The following ZNF92 variants were observed in gnomAD, a reference collection of about 807,000 sequenced individuals.
The protein encoded by ZNF92 is zinc finger protein 92, also known as epididymis luminal protein 203.
Under a neutral mutation model 12.4 loss-of-function variants are expected in ZNF92, and 11 were observed. That is an observed-to-expected ratio of 0.89 (90% CI 0.56 to 1.47). The LOEUF (loss-of-function observed/expected upper bound fraction) is 1.47, where lower values mean the gene tolerates loss of function less well. Among genes scored for constraint, ZNF92 ranks in the 40% most tolerant of loss-of-function variants. The pLI, the probability that ZNF92 is intolerant of heterozygous loss-of-function variation, is 0.00. For synonymous variants in ZNF92, 206 were observed against 228.6 expected, an observed-to-expected ratio of 0.90 and a Z score of 0.89; for missense variants, 622 against 681.0, an observed-to-expected ratio of 0.91 and a Z score of 0.96.
At chr7:65,392,284 T>C (rs1793736928) in intron 3 of ZNF92, among the ~76,000 whole-genome samples, 1 of 152,042 alleles carries the variant, frequency 6.6e-6, no homozygotes, top group Admixed American at 6.6e-5. Flanking sequence ...TGTTTAATGA[T>C]AAATATTGTA....
Position 65,398,770 on chromosome 7 carries a change from A to G in ZNF92, c.656A>G (p.His219Arg), listed in dbSNP as rs866405251. 8.7e-6 allele frequency: 14 copies of G among 1,613,256 alleles called. No individual in the cohort carries two copies. In the Middle Eastern group the frequency reaches 9.9e-4, roughly 114 times the overall value. ...AACTGGTCCTCAACCCTTACTAAAC[A>G]TAAGATAATTCATACTGGAGAAAAA... ...AFNWSSTLTKHKIIHTGEKPY... is the reference protein window; with the variant it reads ...AFNWSSTLTKRKIIHTGEKPY... The change falls in exon 4 of 4, where the codon CAT becomes CGT. Residue 219 changes from histidine (H) to arginine (R), a missense_variant. Coordinates refer to ENST00000328747, the MANE Select transcript of ZNF92 (RefSeq NM_152626.4).
intron 3 of ZNF92, among the ~76,000 whole-genome samples, chr7:65,393,849 TACTTTATATGATAA>T (rs1429723609): frequency 6.6e-5 from 10 of 151,950 alleles, no homozygotes; most frequent in Admixed American, 6.6e-5. Context: ...CTTTATATGA[TACTTTATATGATAA>T]ACTTTATATG....
rs1419494822 is a variant in ZNF92 at position 65,373,896 on chromosome 7, C to T, written c.-102C>T. On this transcript the variant is annotated 5_prime_UTR_variant, in exon 1 of 4. Transcript: ENST00000328747. ...GGCGCTCCACGTCTAGTCTTCACTG[C>T]TCTGCGTCCTGTGCTGATAAAGGCT... 2 of 1,531,038 alleles carry T rather than the reference C, an allele frequency of 1.3e-6. No homozygotes were observed. The highest frequency in any genetic ancestry group is 1.8e-6 in the Non-Finnish European group (2 of 1,104,902). The allele number at this position is 1,531,038 out of a possible 1,614,324, so 94.8% of individuals were successfully genotyped here.
At chr7:65,375,803 A>G (rs1409254456) in intron 1 of ZNF92, among the ~76,000 whole-genome samples, 1 of 151,784 alleles carries the variant, frequency 6.6e-6, no homozygotes, top group African/African-American at 2.4e-5. Flanking sequence ...AGCCAAGATC[A>G]TGCCACTGCA....
Position 65,399,411 on chromosome 7 carries a change from G to C in ZNF92, c.1297G>C (p.Ala433Pro), listed in dbSNP as rs754913847. 1.2e-6 allele frequency: 2 copies of C among 1,613,324 alleles called. No individual in the cohort carries two copies. Among genetic ancestry groups the C allele is most frequent in the Non-Finnish European group, 1.7e-6 (2 of 1,179,700 alleles). ...CTACAAATGTGAAAAATGTGGCAAG[G>C]CCTTTAGCTGGTCCTCAGCTTTTAC... Reference protein sequence around the residue: ...KPYKCEKCGKAFSWSSAFTKH... With the variant: ...KPYKCEKCGKPFSWSSAFTKH... Residue 433 changes from alanine to proline, a missense_variant, in exon 4 of 4, where the codon GCC becomes CCC. Physicochemically the swap from Ala to Pro is conservative, Grantham distance 27. Coordinates refer to ENST00000328747, the MANE Select transcript of ZNF92 (RefSeq NM_152626.4).
intron 3 of ZNF92, among the ~76,000 whole-genome samples, chr7:65,393,227 T>A (rs752047560): frequency 2.6e-5 from 4 of 152,304 alleles, no homozygotes; most frequent in Non-Finnish European, 5.9e-5. Flanking sequence ...TTTATGAGTG[T>A]GACTGTTTAA....
chr7:65,399,613 A>C lies in ZNF92; in HGVS notation c.1499A>C (p.Lys500Thr), dbSNP rs150528406. Residue 500 changes from lysine (K) to threonine (T), a missense_variant, in exon 4 of 4, where the codon AAG (lysine) becomes ACG (threonine). Lys to Thr is a moderately conservative substitution (Grantham distance 78). Coordinates refer to ENST00000328747, the MANE Select transcript of ZNF92 (RefSeq NM_152626.4). ...CAGTCCTCAATTTTTACTAAACATA[A>C]GATAATTCACACTGAAGGGAAATCC... ...FNQSSIFTKH[K>T]IIHTEGKSYK... 9.4e-5 allele frequency: 152 copies of C among 1,613,694 alleles called. 1 individual carries two copies. In the African/African-American group the frequency reaches 1.9e-3, roughly 21 times the overall value.
intron 1 of ZNF92, among the ~76,000 whole-genome samples, chr7:65,375,431 G>A (rs1793212610): frequency 6.6e-6 from 1 of 151,930 alleles, no homozygotes; most frequent in African/African-American, 2.4e-5. Context: ...GCATCTCCTG[G>A]GCTACTCTTC....
At chr7:65,387,108 T>G (rs965408883) in intron 1 of ZNF92, among the ~76,000 whole-genome samples, 3 of 151,210 alleles carry the variant, frequency 2.0e-5, no homozygotes, top group Non-Finnish European at 4.4e-5. Context: ...CCCGGCTAAT[T>G]TTTTGTATTT....
Position 65,390,267 on chromosome 7 carries a change from A to G in ZNF92, c.226+1366A>G, listed in dbSNP as rs888453276. 4.0e-4 allele frequency among the ~76,000 whole-genome samples: 61 copies of G among 152,096 alleles called. 1 individual carries two copies. Among genetic ancestry groups the G allele is most frequent in the African/African-American group, 1.4e-3 (60 of 41,422 alleles). Reference sequence around the variant, plus strand: ...TTTTTACCTATCTGTCTTCAATGTCAATGGCTTTTTAAATTTTTTAAATTC... The same window carrying G: ...TTTTTACCTATCTGTCTTCAATGTCGATGGCTTTTTAAATTTTTTAAATTC... On this transcript the variant is annotated intron_variant, in intron 3 of 3. Coordinates refer to ENST00000328747, the MANE Select transcript of ZNF92 (RefSeq NM_152626.4).
At chr7:65,391,157 C>A (rs1793699151) in intron 3 of ZNF92, among the ~76,000 whole-genome samples, 1 of 151,994 alleles carries the variant, frequency 6.6e-6, no homozygotes, top group Non-Finnish European at 1.5e-5. Context: ...GCTTCATAAC[C>A]CATTCTGGTC....
In ZNF92 at chr7:65,398,383, G is replaced by A. The variant is rs761236555; in HGVS notation, c.269G>A (p.Ser90Asn). The A allele has an allele frequency of 6.9e-6, 11 of 1,600,286 alleles. No homozygotes were observed. The highest frequency in any genetic ancestry group is 9.4e-6 in the Non-Finnish European group (11 of 1,175,130). ...HFAQDVWPEH[S>N]IKDSFQKVIL... ...GCCCAAGATGTTTGGCCAGAGCACA[G>A]CATAAAAGATTCTTTCCAAAAAGTG... The change falls in exon 4 of 4, where the codon AGC becomes AAC. Residue 90 changes from serine (S) to asparagine (N), a missense_variant. By Grantham distance (46) the Ser-to-Asn change is conservative (BLOSUM62 1). Coordinates refer to ENST00000328747, the MANE Select transcript of ZNF92 (RefSeq NM_152626.4).
At chr7:65,397,325 G>GTTTTA (rs57829016) in intron 3 of ZNF92, among the ~76,000 whole-genome samples, 41,752 of 150,886 alleles carry the variant, frequency 0.28, 7,505 homozygotes, top group African/African-American at 0.49. Context: ...GCTTCTTCAT[G>GTTTTA]TTTTATTTTT....
At position 65,373,943 on chromosome 7, in the gene ZNF92, T is replaced by C. The variant is rs1584269839; in HGVS notation, c.-55T>C. On this transcript the variant is annotated 5_prime_UTR_variant, in exon 1 of 4. Coordinates refer to ENST00000328747, the MANE Select transcript of ZNF92 (RefSeq NM_152626.4). ...GGCTCGCCGCTGTGACCCTGTTACC[T>C]GCAAGAACTTGGAGGTTCACAGCTA... 3 of 1,613,360 alleles carry C rather than the reference T, an allele frequency of 1.9e-6. No homozygotes were observed. The Admixed American group carries it at 5.0e-5, about 27-fold the overall frequency.
chr7:65,396,457 A>G (rs7799306), intron 3 of ZNF92, among the ~76,000 whole-genome samples: 37,947 of 151,986 alleles, frequency 0.25, 6,214 homozygotes, highest in Non-Finnish European at 0.35. Flanking sequence ...GTTTGTTACT[A>G]ATACTACAAA....
chr7:65,377,426 G>A (rs1793274120), intron 1 of ZNF92, among the ~76,000 whole-genome samples: 1 of 152,106 alleles, frequency 6.6e-6, no homozygotes, highest in Admixed American at 6.5e-5. Flanking sequence ...GGACCCACAG[G>A]CAGATGGAGT....
At chr7:65,388,116 G>T in intron 2 of ZNF92, 88 bp downstream of exon 2, 1 of 1,404,816 alleles carries the variant, frequency 7.1e-7, no homozygotes. Context: ...TTTATGCTTT[G>T]CATAAATGAG....
chr7:65,391,512 C>G (rs531104157), intron 3 of ZNF92, among the ~76,000 whole-genome samples: 9 of 151,858 alleles, frequency 5.9e-5, no homozygotes, highest in African/African-American at 2.2e-4. Flanking sequence ...TTTAAGTTTG[C>G]GGCAGGCAAA....
chr7:65,394,820 A>G (rs1793806431), intron 3 of ZNF92, among the ~76,000 whole-genome samples: 2 of 151,638 alleles, frequency 1.3e-5, no homozygotes, highest in African/African-American at 4.8e-5. Context: ...ATTTTTTTGT[A>G]TTTTTAGTAG....
Sources: allele counts gnomAD v4.1 joint callset (sites outside exome capture counted in the v4.1 genomes callset), GRCh38; gene constraint gnomAD v4.1.1; transcripts MANE v1.5; gene names NCBI Gene and HGNC (gene_info 2026-07-23, HGNC 2026-07-21).